Variants in ZFAND3 observed in about 807,000 individuals in gnomAD.
ZFAND3 encodes the protein zinc finger AN1-type containing 3.
Under a neutral mutation model 29.6 loss-of-function variants are expected in ZFAND3, and 10 were observed. The observed-to-expected ratio is 0.34, with a 90% CI of 0.21 to 0.57. ZFAND3 has a LOEUF of 0.57. Ranked by LOEUF, ZFAND3 falls within the 20% of genes least tolerant of loss-of-function variation. The pLI, the probability that ZFAND3 is intolerant of heterozygous loss-of-function variation, is 0.86. For synonymous variants in ZFAND3, 128 were observed against 112.6 expected, an observed-to-expected ratio of 1.14 and a Z score of -0.87; for missense variants, 230 against 304.5, an observed-to-expected ratio of 0.76 and a Z score of 1.82.
intron 1 of ZFAND3, among the ~76,000 whole-genome samples, chr6:37,872,225 G>A (rs1764707572): frequency 6.6e-6 from 1 of 152,174 alleles, no homozygotes; most frequent in Admixed American, 6.5e-5. Flanking sequence ...AAAACAAAAG[G>A]AAACTTTCTC....
intron 1 of ZFAND3, among the ~76,000 whole-genome samples, chr6:37,838,620 C>G (rs139120359): frequency 6.6e-6 from 1 of 152,166 alleles, no homozygotes; most frequent in African/African-American, 2.4e-5. Context: ...CTTAGCATAA[C>G]GTTTTCAAGG....
At chr6:37,890,582 A>T (rs1035905348) in intron 1 of ZFAND3, among the ~76,000 whole-genome samples, 1 of 152,238 alleles carries the variant, frequency 6.6e-6, no homozygotes, top group Non-Finnish European at 1.5e-5. Context: ...TCACAAATAT[A>T]TAGTGGATAT....
At chr6:37,936,162 T>C (rs1170591443) in intron 2 of ZFAND3, among the ~76,000 whole-genome samples, 1 of 152,138 alleles carries the variant, frequency 6.6e-6, no homozygotes, top group Non-Finnish European at 1.5e-5. Flanking sequence ...ACCTCCTAAA[T>C]AGAAGTGTGG....
chr6:38,137,369 G>A (rs1581950438), intron 5 of ZFAND3, among the ~76,000 whole-genome samples: 1 of 152,332 alleles, frequency 6.6e-6, no homozygotes, highest in South Asian at 2.1e-4. Flanking sequence ...TCCTGTGAGG[G>A]GGAGGGGCAC....
intron 2 of ZFAND3, among the ~76,000 whole-genome samples, chr6:38,022,982 G>A (rs1472364): frequency 0.21 from 32,206 of 152,044 alleles, 4,045 homozygotes; most frequent in Admixed American, 0.34. Context: ...GTTGGGAGTG[G>A]TTAGCTTTAA....
intron 4 of ZFAND3, among the ~76,000 whole-genome samples, chr6:38,107,898 T>G (rs1765239652): frequency 6.6e-6 from 1 of 151,072 alleles, no homozygotes; most frequent in African/African-American, 2.4e-5. Context: ...CAGGTGGTGG[T>G]ACATTCCACA....
At chr6:38,022,742 C>T (rs1039600513) in intron 2 of ZFAND3, among the ~76,000 whole-genome samples, 1 of 152,300 alleles carries the variant, frequency 6.6e-6, no homozygotes, top group Admixed American at 6.5e-5. Flanking sequence ...ACCATTTGGT[C>T]AGAATTTATC....
At chr6:37,963,667 A>G (rs1762239800) in intron 2 of ZFAND3, among the ~76,000 whole-genome samples, 1 of 151,774 alleles carries the variant, frequency 6.6e-6, no homozygotes, top group Non-Finnish European at 1.5e-5. Context: ...CAGCAACAGT[A>G]ATACCTTCTC....
intron 1 of ZFAND3, among the ~76,000 whole-genome samples, chr6:37,925,908 G>A (rs980713971): frequency 6.6e-6 from 1 of 152,138 alleles, no homozygotes; most frequent in African/African-American, 2.4e-5. Context: ...AAAGAGATTT[G>A]GGATTGAAGG....
At chr6:38,049,053 AC>A (rs1763967314) in intron 2 of ZFAND3, among the ~76,000 whole-genome samples, 2 of 152,308 alleles carry the variant, frequency 1.3e-5, no homozygotes, top group Middle Eastern at 3.4e-3. Flanking sequence ...GGTGAGACTT[AC>A]ACTTGCCAGT....
Position 38,132,210 on chromosome 6 carries a change from TGAA to T in ZFAND3, c.529+15472_529+15474del, listed in dbSNP as rs1765755557. On this transcript the variant is annotated intron_variant, in intron 5 of 5. Coordinates refer to ENST00000287218, the MANE Select transcript of ZFAND3 (RefSeq NM_021943.3). ...CTGTGTTTGTATTAGTACTTGGACA[TGAA>T]TAAGATGGGTTCTGTGGGCTGGGTG... Among the ~76,000 whole-genome samples, 3 of 152,254 alleles carry T rather than the reference TGAA, an allele frequency of 2.0e-5. No homozygotes were observed. In the South Asian group the frequency reaches 6.2e-4, roughly 32 times the overall value.
chr6:37,979,626 A>G (rs1239658285), intron 2 of ZFAND3, among the ~76,000 whole-genome samples: 4 of 152,216 alleles, frequency 2.6e-5, no homozygotes, highest in African/African-American at 9.6e-5. Flanking sequence ...CATTGGGCAC[A>G]GGCACTATTC....
intron 4 of ZFAND3, among the ~76,000 whole-genome samples, chr6:38,090,852 A>G (rs1003979893): frequency 6.6e-6 from 1 of 152,244 alleles, no homozygotes; most frequent in Admixed American, 6.5e-5. Context: ...CACACAATGT[A>G]TAGATTTCAG....
intron 2 of ZFAND3, among the ~76,000 whole-genome samples, chr6:38,039,390 T>C (rs999002752): frequency 1.3e-5 from 2 of 152,220 alleles, no homozygotes; most frequent in African/African-American, 4.8e-5. Flanking sequence ...AATGACCTAA[T>C]TGGCCACTTT....
intron 2 of ZFAND3, among the ~76,000 whole-genome samples, chr6:38,049,330 G>A (rs1327693566): frequency 1.3e-5 from 2 of 152,150 alleles, no homozygotes; most frequent in South Asian, 2.1e-4. Flanking sequence ...GTCAGGCACC[G>A]TTCTAAGACT....
At chr6:37,896,542 CTTTCTT>C (rs948851757) in intron 1 of ZFAND3, among the ~76,000 whole-genome samples, 1 of 124,204 alleles carries the variant, frequency 8.1e-6, no homozygotes, top group African/African-American at 3.6e-5. Flanking sequence ...TTCTTTCTTT[CTTTCTT>C]TCTTTCTTTC....
At chr6:37,963,463 T>C (rs1450377702) in intron 2 of ZFAND3, among the ~76,000 whole-genome samples, 1 of 151,704 alleles carries the variant, frequency 6.6e-6, no homozygotes, top group East Asian at 1.9e-4. Flanking sequence ...CCAAAATTAG[T>C]AGAAGAAAAA....
intron 1 of ZFAND3, among the ~76,000 whole-genome samples, chr6:37,840,779 G>A (rs999249361): frequency 6.6e-6 from 1 of 151,684 alleles, no homozygotes; most frequent in Admixed American, 6.6e-5. Flanking sequence ...ACTGTACAAT[G>A]ATCTGGTCTT....
intron 2 of ZFAND3, among the ~76,000 whole-genome samples, chr6:37,945,886 C>T (rs1456340140): frequency 1.3e-5 from 2 of 152,314 alleles, no homozygotes; most frequent in Middle Eastern, 3.4e-3. Flanking sequence ...GAGTGCTTAT[C>T]AGACACCTGG....
Sources: gnomAD v4.1 joint callset for allele counts (sites outside exome capture counted in the v4.1 genomes callset) on GRCh38, gnomAD v4.1.1 for gene constraint, MANE v1.5 for transcripts, NCBI Gene and HGNC (gene_info 2026-07-23, HGNC 2026-07-21) for gene names.